TBC1D2B: variants seen among roughly 807,000 people sequenced by gnomAD.
The protein encoded by TBC1D2B is TBC1 domain family, member 2B.
In TBC1D2B, 64 loss-of-function variants were observed where a neutral mutation model predicts 100.8. That is an observed-to-expected ratio of 0.64 (90% CI 0.52 to 0.78). The LOEUF is 0.78. Ranked by LOEUF, TBC1D2B falls within the 30% of genes least tolerant of loss-of-function variation. TBC1D2B has a pLI of 0.00. For synonymous variants in TBC1D2B, 480 were observed against 479.7 expected, an observed-to-expected ratio of 1.00 and a Z score of -0.01; for missense variants, 1,052 against 1,218.4, an observed-to-expected ratio of 0.86 and a Z score of 2.03.
In TBC1D2B at chr15:78,010,408, AC is replaced by A. The variant is rs552840149; in HGVS notation, c.2271-1295del. 3.5e-3 allele frequency among the ~76,000 whole-genome samples: 527 copies of A among 152,256 alleles called. 9 individuals are homozygous for A. The highest frequency in any genetic ancestry group is 5.4e-3 in the Non-Finnish European group (369 of 68,010). ...GAAATCCAAAACTTCTGCCCATCAC[AC>A]GAAGCTTATAAGCAACACTCATGGG... On this transcript the variant is annotated intron_variant, in intron 9 of 12. Transcript: ENST00000300584.
At chr15:78,014,943 G>A (rs921693708) in intron 8 of TBC1D2B, among the ~76,000 whole-genome samples, 5 of 152,104 alleles carry the variant, frequency 3.3e-5, no homozygotes, top group East Asian at 1.9e-4. Context: ...GGCTGACACC[G>A]GTAATCCCAG....
At chr15:78,053,790 A>G in intron 2 of TBC1D2B, 1 of 418,452 alleles carries the variant, frequency 2.4e-6, no homozygotes, top group Admixed American at 4.2e-5. Flanking sequence ...AACTTACCAC[A>G]TGCTGACCTT....
At chr15:78,044,855 A>T (rs761013348) in intron 3 of TBC1D2B, 45 bp downstream of exon 3, 14 of 1,505,966 alleles carry the variant, frequency 9.3e-6, no homozygotes, top group Non-Finnish European at 1.2e-5. Context: ...ACATTATCAG[A>T]AACAACCCAT....
intron 1 of TBC1D2B, among the ~76,000 whole-genome samples, chr15:78,060,818 G>C (rs898420163): frequency 6.6e-6 from 1 of 152,026 alleles, no homozygotes; most frequent in South Asian, 2.1e-4. Context: ...TCGGGAGGCC[G>C]AGACAGGAGA....
chr15:78,032,263 A>G (rs2141722655), intron 3 of TBC1D2B, among the ~76,000 whole-genome samples: 1 of 152,358 alleles, frequency 6.6e-6, no homozygotes, highest in Non-Finnish European at 1.5e-5. Context: ...GGGCATCAGA[A>G]AGATTACTGA....
intron 10 of TBC1D2B, among the ~76,000 whole-genome samples, chr15:78,005,354 A>G (rs972454111): frequency 3.3e-5 from 5 of 152,198 alleles, no homozygotes; most frequent in Non-Finnish European, 7.3e-5. Flanking sequence ...TGAATGGAAA[A>G]GCTGACAAGC....
rs529705731 is a variant in TBC1D2B, at chr15:78,075,608, T to C, written c.360+1685A>G. 9.8e-5 allele frequency among the ~76,000 whole-genome samples: 15 copies of C among 152,332 alleles called. No homozygotes were observed. The East Asian group carries it at 2.7e-3, about 27-fold the overall frequency. On this transcript the variant is annotated intron_variant, in intron 1 of 12. Coordinates refer to ENST00000300584, the MANE Select transcript of TBC1D2B (RefSeq NM_144572.2). ...TCGTCCGACACAGGGACAGCCCGTATGTACACTGAGGAAGAGCCTCTGCCT... is the reference window on the plus strand; with the variant it reads ...TCGTCCGACACAGGGACAGCCCGTACGTACACTGAGGAAGAGCCTCTGCCT...
intron 12 of TBC1D2B, among the ~76,000 whole-genome samples, chr15:78,000,214 A>C (rs548078796): frequency 6.6e-6 from 1 of 152,180 alleles, no homozygotes; most frequent in African/African-American, 2.4e-5. Context: ...ACCGCGAGCC[A>C]CTCAGAAGGA....
chr15:78,031,793 G>C (rs1041859688), intron 3 of TBC1D2B, among the ~76,000 whole-genome samples: 1 of 151,920 alleles, frequency 6.6e-6, no homozygotes, highest in Non-Finnish European at 1.5e-5. Context: ...GAAAACTAAA[G>C]AACTGAAAAA....
rs769516617 is a variant in TBC1D2B at position 78,013,244 on chromosome 15, C to T, written c.1849G>A (p.Ala617Thr). The T allele has an allele frequency of 8.7e-6, 14 of 1,613,884 alleles. No homozygotes were observed. The highest frequency in any genetic ancestry group is 1.1e-5 in the Non-Finnish European group (13 of 1,179,908). ...EEEKLVAKVR[A>T]LDLKTLYLTE... is the part of the protein sequence containing the mutation. ...AGGTAGAGAGTCTTCAGATCCAACG[C>T]GCGGACCTTGGCAACCAATTTCTCT... The change falls in exon 9 of 13, where the codon GCG becomes ACG. Residue 617 changes from alanine (A) to threonine (T), a missense_variant. Ala to Thr is a moderately conservative substitution (Grantham distance 58). Around this residue, in one of 4 missense-constraint regions of TBC1D2B, gnomAD observed 373 missense variants for 464.9 expected, o/e 0.80. Transcript: ENST00000300584.
At position 78,024,348 on chromosome 15, in the gene TBC1D2B, T is replaced by C. The variant is rs2141694208; in HGVS notation, c.1278A>G (p.Val426=). The change falls in exon 6 of 13, where the codon GTA becomes GTG. Residue 426 remains valine, a synonymous_variant. Coordinates refer to ENST00000300584, the MANE Select transcript of TBC1D2B (RefSeq NM_144572.2). ...SLEKESLQQE[V]RTLKSKVGEL... ...CGCCCACTTTGCTCTTCAGCGTCCTTACTTCCTGCTGAAGACTCTCCTTCT... is the reference window on the plus strand; with the variant it reads ...CGCCCACTTTGCTCTTCAGCGTCCTCACTTCCTGCTGAAGACTCTCCTTCT... The C allele has an allele frequency of 6.2e-7, 1 of 1,614,060 alleles. No homozygotes were observed. Among genetic ancestry groups the C allele is most frequent in the Non-Finnish European group, 8.5e-7 (1 of 1,179,894 alleles).
chr15:78,008,285 T>A (rs1049271701), intron 10 of TBC1D2B, among the ~76,000 whole-genome samples: 1 of 152,196 alleles, frequency 6.6e-6, no homozygotes. Flanking sequence ...CAGGTGTGGA[T>A]GGCATGAAAT....
chr15:77,998,791 C>T (rs922762443), intron 12 of TBC1D2B: 5 of 173,332 alleles, frequency 2.9e-5, no homozygotes, highest in Non-Finnish European at 2.5e-5. Flanking sequence ...GGCACGAGTC[C>T]GGGACGTCTG....
intron 4 of TBC1D2B, among the ~76,000 whole-genome samples, chr15:78,028,726 C>A (rs757180049): frequency 1.2e-4 from 18 of 152,228 alleles, no homozygotes; most frequent in Non-Finnish European, 1.9e-4. Context: ...CCGGCTCTAA[C>A]TGCCCGTATA....
At chr15:78,012,766 A>G in intron 9 of TBC1D2B, 57 bp downstream of exon 9, 1 of 1,397,864 alleles carries the variant, frequency 7.2e-7, no homozygotes, top group Non-Finnish European at 9.3e-7. Flanking sequence ...GCCAGGCAGC[A>G]CCGGTGCCTA....
Position 78,029,988 on chromosome 15 carries a change from A to G in TBC1D2B, c.847+19T>C. On this transcript the variant is annotated intron_variant, in intron 4 of 12. Transcript: ENST00000300584. The stretch of plus-strand genomic sequence containing the variant: ...ATGGCAGTACAGAGAATGACAGACA[A>G]CAGGAAGTACATTGATACCTTTGTT... 1 of 1,594,666 alleles carries G rather than the reference A, an allele frequency of 6.3e-7. No homozygotes were observed. Among genetic ancestry groups the G allele is most frequent in the Non-Finnish European group, 8.5e-7 (1 of 1,171,200 alleles).
intron 12 of TBC1D2B, among the ~76,000 whole-genome samples, chr15:77,999,606 T>C (rs889774314): frequency 6.6e-6 from 1 of 152,180 alleles, no homozygotes; most frequent in African/African-American, 2.4e-5. Context: ...GGAGGCTCCG[T>C]GTGAATGGGG....
intron 3 of TBC1D2B, among the ~76,000 whole-genome samples, chr15:78,038,705 A>G (rs2073006598): frequency 2.0e-5 from 3 of 152,186 alleles, no homozygotes; most frequent in Admixed American, 2.0e-4. Flanking sequence ...AACCGGAGAC[A>G]TGGCCCAATT....
chr15:78,025,575 G>A lies in TBC1D2B; in HGVS notation c.848-78C>T, dbSNP rs1412743549. ...GGAGTGTCGGTCTGTCGCCCAGGCT[G>A]GAGTGCAGTGGCGCAATGTCGGCTC... On this transcript the variant is annotated intron_variant, in intron 4 of 12. Coordinates refer to ENST00000300584, the MANE Select transcript of TBC1D2B (RefSeq NM_144572.2). 3 of 1,102,254 alleles carry A rather than the reference G, an allele frequency of 2.7e-6. No homozygotes were observed. The African/African-American group carries it at 4.8e-5, about 18-fold the overall frequency. The allele number at this position is 1,102,254 out of a possible 1,614,324, so 68.3% of individuals were successfully genotyped here.
Sources: allele counts gnomAD v4.1 joint callset (sites outside exome capture counted in the v4.1 genomes callset), GRCh38; gene constraint gnomAD v4.1.1; regional missense constraint gnomAD v4.1.1; transcripts MANE v1.5; gene names NCBI Gene and HGNC (gene_info 2026-07-23, HGNC 2026-07-21).